Variants in CHN1 observed in about 807,000 individuals in gnomAD.
CHN1 encodes the protein chimerin 1.
In CHN1, 37 loss-of-function variants were observed where a neutral mutation model predicts 59.5. That is an observed-to-expected ratio of 0.62 (90% CI 0.48 to 0.82). CHN1 has a LOEUF of 0.82. Ranked by LOEUF, CHN1 falls within the 40% of genes least tolerant of loss-of-function variation. The probability of loss-of-function intolerance (pLI) is 0.00; values close to 1 mark genes in which losing one functional copy is unlikely to be tolerated. For synonymous variants in CHN1, 206 were observed against 200.4 expected, an observed-to-expected ratio of 1.03 and a Z score of -0.24; for missense variants, 469 against 571.0, an observed-to-expected ratio of 0.82 and a Z score of 1.82.
intron 3 of CHN1, among the ~76,000 whole-genome samples, chr2:174,940,003 G>A (rs1205525630): frequency 6.6e-6 from 1 of 151,788 alleles, no homozygotes; most frequent in South Asian, 2.1e-4. Context: ...TATCAATAGA[G>A]AAATAATTAT....
At chr2:174,816,332 G>C (rs1685259649) in intron 8 of CHN1, among the ~76,000 whole-genome samples, 1 of 152,232 alleles carries the variant, frequency 6.6e-6, no homozygotes, top group Non-Finnish European at 1.5e-5. Context: ...GTTTGCAGCA[G>C]AGTGCACCAC....
At chr2:174,847,678 AAT>A (rs1286032140) in intron 6 of CHN1, 8 of 1,312,034 alleles carry the variant, frequency 6.1e-6, no homozygotes, top group Non-Finnish European at 8.1e-6. Flanking sequence ...AACCAATGAA[AAT>A]CAAGCAACAG....
At chr2:174,824,309 C>A in intron 8 of CHN1, 125 bp downstream of exon 8, 2 of 575,476 alleles carry the variant, frequency 3.5e-6, no homozygotes, top group Non-Finnish European at 5.8e-6. Context: ...ATCTGGCCTA[C>A]TGCATGTGCA....
At chr2:174,976,067 A>G (rs1484701040) in intron 1 of CHN1, among the ~76,000 whole-genome samples, 4 of 126,798 alleles carry the variant, frequency 3.2e-5, no homozygotes, top group African/African-American at 5.9e-5. Context: ...CGGAGCTTGC[A>G]GTGAGCAGAG....
intron 7 of CHN1, among the ~76,000 whole-genome samples, chr2:174,842,572 TG>T (rs1468929711): frequency 6.6e-6 from 1 of 152,242 alleles, no homozygotes; most frequent in African/African-American, 2.4e-5. Context: ...TCATTCATTT[TG>T]TATTAATTTT....
chr2:174,835,196 C>T (rs1459312105), intron 7 of CHN1, among the ~76,000 whole-genome samples: 1 of 152,078 alleles, frequency 6.6e-6, no homozygotes, highest in African/African-American at 2.4e-5. Context: ...GCTTTCAGAC[C>T]ATCATAAGGT....
chr2:174,839,524 T>A (rs969435947), intron 7 of CHN1, among the ~76,000 whole-genome samples: 26 of 152,092 alleles, frequency 1.7e-4, no homozygotes, highest in Non-Finnish European at 2.9e-4. Context: ...AAGTTTCAGT[T>A]ATAATAGATT....
chr2:174,836,416 A>G (rs1162639830), intron 7 of CHN1, among the ~76,000 whole-genome samples: 1 of 152,188 alleles, frequency 6.6e-6, no homozygotes. Flanking sequence ...CCAACCAGTG[A>G]CTTTAATAGG....
intron 8 of CHN1, among the ~76,000 whole-genome samples, chr2:174,816,591 G>A (rs542341142): frequency 6.6e-6 from 1 of 152,234 alleles, no homozygotes; most frequent in East Asian, 1.9e-4. Flanking sequence ...TGCCCAGGCT[G>A]GGATAATATT....
chr2:174,943,424 AC>A (rs1689732855), intron 3 of CHN1, among the ~76,000 whole-genome samples: 1 of 152,038 alleles, frequency 6.6e-6, no homozygotes, highest in South Asian at 2.1e-4. Context: ...ACTGGGTTTC[AC>A]CATGTTGGCC....
chr2:174,909,822 T>C (rs1160726639), intron 5 of CHN1, among the ~76,000 whole-genome samples: 1 of 152,216 alleles, frequency 6.6e-6, no homozygotes, highest in Non-Finnish European at 1.5e-5. Context: ...AGCATCTCAA[T>C]GGATAAAGAA....
chr2:174,843,561 T>TCTAA (rs1163246706), intron 7 of CHN1, among the ~76,000 whole-genome samples: 2 of 152,116 alleles, frequency 1.3e-5, no homozygotes, highest in Admixed American at 6.6e-5. Context: ...TTATGCAACA[T>TCTAA]CTAACTCTGC....
At chr2:174,875,123 C>T (rs1178648897) in intron 6 of CHN1, among the ~76,000 whole-genome samples, 1 of 152,154 alleles carries the variant, frequency 6.6e-6, no homozygotes, top group Non-Finnish European at 1.5e-5. Flanking sequence ...ATCCGCCCCA[C>T]CTTGGCCTCC....
chr2:174,855,552 T>C (rs1466606506), intron 6 of CHN1, among the ~76,000 whole-genome samples: 1 of 152,176 alleles, frequency 6.6e-6, no homozygotes, highest in Non-Finnish European at 1.5e-5. Flanking sequence ...TTGCATACCC[T>C]GAATTATAAT....
At chr2:174,916,988 T>C (rs1174431287) in intron 4 of CHN1, among the ~76,000 whole-genome samples, 1 of 152,176 alleles carries the variant, frequency 6.6e-6, no homozygotes, top group African/African-American at 2.4e-5. Flanking sequence ...GGTCAGGAGT[T>C]AGAGACTAGC....
chr2:174,838,160 C>A (rs1027325001), intron 7 of CHN1, among the ~76,000 whole-genome samples: 2 of 151,974 alleles, frequency 1.3e-5, no homozygotes, highest in African/African-American at 4.8e-5. Flanking sequence ...ATGGCACGAT[C>A]TTGGCTCATT....
intron 7 of CHN1, among the ~76,000 whole-genome samples, chr2:174,841,535 T>C (rs1686301921): frequency 6.6e-6 from 1 of 152,220 alleles, no homozygotes; most frequent in Non-Finnish European, 1.5e-5. Context: ...ACAGAACCTA[T>C]GCTACATACT....
chr2:174,985,300 A>G (rs1691304056), intron 1 of CHN1, among the ~76,000 whole-genome samples: 1 of 152,208 alleles, frequency 6.6e-6, no homozygotes, highest in Non-Finnish European at 1.5e-5. Flanking sequence ...ATGTTAATGT[A>G]AACAGTAAAC....
At chr2:174,903,905 T>G (rs2105359096) in intron 5 of CHN1, among the ~76,000 whole-genome samples, 1 of 152,284 alleles carries the variant, frequency 6.6e-6, no homozygotes, top group South Asian at 2.1e-4. Flanking sequence ...GGTATATCTG[T>G]TTATAAAAAT....
Sources: gnomAD v4.1 joint callset for allele counts (sites outside exome capture counted in the v4.1 genomes callset) on GRCh38, gnomAD v4.1.1 for gene constraint, MANE v1.5 for transcripts, NCBI Gene and HGNC (gene_info 2026-07-23, HGNC 2026-07-21) for gene names.